Variants in DMD observed in about 807,000 individuals in gnomAD.
The protein encoded by DMD is dystrophin, also known as mutant dystrophin.
A neutral mutation model predicts 330.1 loss-of-function variants in DMD; 63 were observed. The observed-to-expected ratio is 0.19, with a 90% CI of 0.16 to 0.24. The LOEUF is 0.24. Among genes scored for constraint, DMD ranks in the 10% least tolerant of loss-of-function variants. DMD has a pLI of 1.00. For synonymous variants in DMD, 1,223 were observed against 959.8 expected (o/e 1.27, Z -5.07); for missense variants, 3,344 against 2,684.1 (o/e 1.25, Z -5.43).
chrX:32,123,934 C>T (rs1265384155), intron 44 of DMD, among the ~76,000 whole-genome samples: 4 of 112,075 alleles, frequency 3.6e-5, no homozygotes, highest in Non-Finnish European at 5.6e-5. Flanking sequence ...AAACAATTCA[C>T]ATGTGTAATG....
Position 32,823,402 on chromosome X carries a change from G to T in DMD, c.265-15C>A, listed in dbSNP as rs779680050. Reference sequence around the variant, plus strand: ...ACTAAATCAACCTGTTAAAGAAAGGGGTAAAACATTTGAAGGTAAGAGACC... The same window carrying T: ...ACTAAATCAACCTGTTAAAGAAAGGTGTAAAACATTTGAAGGTAAGAGACC... On this transcript the variant is annotated splice_polypyrimidine_tract_variant and intron_variant, in intron 4 of 78. Transcript: ENST00000357033. 1.8e-6 allele frequency: 2 copies of T among 1,125,014 alleles called. No individual in the cohort carries two copies. The highest frequency in any genetic ancestry group is 2.4e-6 in the Non-Finnish European group (2 of 819,472). 92.7% of individuals were successfully genotyped at this position (1,125,014 alleles called of 1,213,427 possible).
intron 7 of DMD, among the ~76,000 whole-genome samples, chrX:32,718,347 C>T (rs919058250): frequency 1.8e-5 from 2 of 110,927 alleles, no homozygotes; most frequent in African/African-American, 6.6e-5. Flanking sequence ...AGCATCTCTG[C>T]CTGCTCTCTC....
intron 9 of DMD, among the ~76,000 whole-genome samples, chrX:32,647,318 G>A (rs899293303): frequency 8.9e-6 from 1 of 111,781 alleles, no homozygotes; most frequent in Non-Finnish European, 1.9e-5. Context: ...TGCCCTAGAA[G>A]CACAGAAGTC....
chrX:32,291,703 G>A (rs749356010), intron 42 of DMD, among the ~76,000 whole-genome samples: 1 of 111,868 alleles, frequency 8.9e-6, no homozygotes, highest in Non-Finnish European at 1.9e-5. Context: ...GCTTGTGTAT[G>A]TGTGCATAAG....
chrX:32,889,937 G>A (rs1414261885), intron 2 of DMD, among the ~76,000 whole-genome samples: 1 of 111,241 alleles, frequency 9.0e-6, no homozygotes, highest in African/African-American at 3.3e-5. Context: ...GAGAAAGGGG[G>A]GGCATCTCAG....
At chrX:31,344,677 C>T (rs1178789172) in intron 61 of DMD, among the ~76,000 whole-genome samples, 5 of 110,210 alleles carry the variant, frequency 4.5e-5, no homozygotes, top group South Asian at 3.9e-4. Context: ...AGTGAAACCC[C>T]GTCTCTACTA....
At chrX:32,974,580 T>G (rs2092483713) in intron 2 of DMD, among the ~76,000 whole-genome samples, 1 of 111,684 alleles carries the variant, frequency 9.0e-6, no homozygotes, top group Non-Finnish European at 1.9e-5. Flanking sequence ...GGAAGCAGAT[T>G]TCTCTGGGTT....
chrX:33,152,731 A>C (rs765446803), intron 1 of DMD, among the ~76,000 whole-genome samples: 10 of 111,502 alleles, frequency 9.0e-5, no homozygotes, highest in African/African-American at 2.3e-4. Flanking sequence ...TATTACTGTT[A>C]AGTGTATTGC....
At chrX:31,221,384 T>A (rs2046014005) in intron 64 of DMD, among the ~76,000 whole-genome samples, 3 of 112,491 alleles carry the variant, frequency 2.7e-5, no homozygotes, top group African/African-American at 9.7e-5. Context: ...CATACTGACA[T>A]ATTTTCAGTT....
chrX:33,009,018 G>A (rs2093484105), intron 2 of DMD, among the ~76,000 whole-genome samples: 1 of 94,073 alleles, frequency 1.1e-5, no homozygotes, highest in African/African-American at 3.9e-5. Context: ...ACATACACAC[G>A]TATATATACA....
intron 44 of DMD, among the ~76,000 whole-genome samples, chrX:32,134,918 G>T (rs1419011664): frequency 8.9e-6 from 1 of 112,042 alleles, no homozygotes; most frequent in African/African-American, 3.2e-5. Flanking sequence ...ACTGCAATAA[G>T]ATTTGACTTT....
At chrX:31,879,211 G>GGGA (rs1556965823) in intron 47 of DMD, among the ~76,000 whole-genome samples, 1 of 98,389 alleles carries the variant, frequency 1.0e-5, no homozygotes, top group Non-Finnish European at 2.0e-5. Context: ...CTACATGGCG[G>GGGA]GGGGGGGCCT....
At position 32,645,054 on chromosome X, in the gene DMD, C is replaced by T. The variant is rs760621626; in HGVS notation, c.1059G>A (p.Ser353=). 115 of 1,209,794 alleles carry T rather than the reference C, an allele frequency of 9.5e-5. No individual in the cohort carries two copies. In the South Asian group the frequency reaches 1.3e-3, roughly 14 times the overall value. The stretch of plus-strand genomic sequence containing the variant: ...ATGTGTCCTCAGCAGAAAGAAGCCA[C>T]GATAATACTTCTTCTAAAGCTGTTT... ...RYQTALEEVL[S]WLLSAEDTLQ... is the part of the protein sequence containing the mutation. Residue 353 remains serine (S), a synonymous_variant, in exon 10 of 79, where the codon TCG becomes TCA. Coordinates refer to ENST00000357033, the MANE Select transcript of DMD (RefSeq NM_004006.3).
At chrX:31,295,750 G>T (rs1569520594) in intron 62 of DMD, among the ~76,000 whole-genome samples, 1 of 112,035 alleles carries the variant, frequency 8.9e-6, no homozygotes. Flanking sequence ...ATATGGAATT[G>T]ATTTCAACAT....
At chrX:31,643,182 A>G (rs1332849199) in intron 54 of DMD, among the ~76,000 whole-genome samples, 1 of 111,773 alleles carries the variant, frequency 8.9e-6, no homozygotes, top group Non-Finnish European at 1.9e-5. Flanking sequence ...GATAAACTAT[A>G]TTTTATAGTT....
At chrX:31,339,718 GAT>G (rs2057616178) in intron 61 of DMD, among the ~76,000 whole-genome samples, 1 of 111,700 alleles carries the variant, frequency 9.0e-6, no homozygotes, top group South Asian at 3.8e-4. Flanking sequence ...TGGGATTACA[GAT>G]GCATGCCACC....
At chrX:32,693,221 C>T (rs1014036561) in intron 9 of DMD, among the ~76,000 whole-genome samples, 1 of 111,650 alleles carries the variant, frequency 9.0e-6, no homozygotes, top group Non-Finnish European at 1.9e-5. Context: ...CTACAGCCTC[C>T]AAAAGGAAGG....
chrX:32,489,867 A>G (rs1206283314), intron 20 of DMD, among the ~76,000 whole-genome samples: 1 of 111,839 alleles, frequency 8.9e-6, no homozygotes, highest in Non-Finnish European at 1.9e-5. Context: ...TTAAATTACA[A>G]AATGCATCTC....
At chrX:32,061,839 A>T (rs1039845972) in intron 44 of DMD, among the ~76,000 whole-genome samples, 8 of 111,603 alleles carry the variant, frequency 7.2e-5, no homozygotes, top group Non-Finnish European at 1.5e-4. Flanking sequence ...AAGGAAACGC[A>T]TAGGAAAAAC....
Sources: gnomAD v4.1 joint callset for allele counts (sites outside exome capture counted in the v4.1 genomes callset) on GRCh38, gnomAD v4.1.1 for gene constraint, MANE v1.5 for transcripts, NCBI Gene and HGNC (gene_info 2026-07-23, HGNC 2026-07-21) for gene names.